CACNA1C: variants seen among roughly 807,000 people sequenced by gnomAD.
The protein encoded by CACNA1C is calcium voltage-gated channel subunit alpha1 C, also known as voltage-dependent L-type calcium channel subunit alpha-1C.
In CACNA1C, 30 loss-of-function variants were observed where a neutral mutation model predicts 229.0. The ratio of observed to expected loss-of-function variants is 0.13; its 90% CI spans 0.10 to 0.18. The LOEUF (loss-of-function observed/expected upper bound fraction) is 0.18, where lower values mean the gene tolerates loss of function less well. CACNA1C is among the 10% of genes least tolerant of loss of function. The pLI, the probability that CACNA1C is intolerant of heterozygous loss-of-function variation, is 1.00. For synonymous variants in CACNA1C, 1,114 were observed against 1,132.5 expected (o/e 0.98, Z 0.33); for missense variants, 1,658 against 2,845.0 (o/e 0.58, Z 9.49).
chr12:2,663,948 GC>G (rs543620869), intron 34 of CACNA1C, among the ~76,000 whole-genome samples: 1 of 151,786 alleles, frequency 6.6e-6, no homozygotes, highest in African/African-American at 2.4e-5. Context: ...CACCATGTTA[GC>G]CAGGATGGTC....
At chr12:2,559,175 A>G (rs1270267676) in intron 11 of CACNA1C, among the ~76,000 whole-genome samples, 1 of 152,244 alleles carries the variant, frequency 6.6e-6, no homozygotes. Context: ...TAACAGTTCC[A>G]AAGCCCCCAC....
chr12:2,271,277 A>G (rs1181515619), intron 3 of CACNA1C, among the ~76,000 whole-genome samples: 2 of 152,146 alleles, frequency 1.3e-5, no homozygotes, highest in Non-Finnish European at 2.9e-5. Flanking sequence ...AATGGAAAAC[A>G]TTTCTGTAGG....
intron 3 of CACNA1C, among the ~76,000 whole-genome samples, chr12:2,237,859 C>A (rs768048271): frequency 6.6e-6 from 1 of 152,166 alleles, no homozygotes; most frequent in East Asian, 1.9e-4. Flanking sequence ...ACAAATGTGC[C>A]GTCAGTCCAA....
At chr12:2,104,009 G>A (rs878879105) in intron 1 of CACNA1C, among the ~76,000 whole-genome samples, 2 of 152,154 alleles carry the variant, frequency 1.3e-5, no homozygotes, top group African/African-American at 2.4e-5. Context: ...GTCAGGTAGC[G>A]TGATGCCCCC....
Position 2,468,020 on chromosome 12 carries a change from G to A in CACNA1C, c.757+10314G>A, listed in dbSNP as rs370269385. Among the ~76,000 whole-genome samples the A allele has an allele frequency of 1.3e-3, 204 of 152,312 alleles. 7 individuals carry two copies. The South Asian group carries it at 0.041, about 31-fold the overall frequency. On this transcript the variant is annotated intron_variant, in intron 5 of 46. Transcript: ENST00000399655. ...TCTTGGAGAGGGACCCTGTGGGTTG[G>A]CAGGAGCCACCGCACCAGATAGGAA...
At position 2,678,636 on chromosome 12, in the gene CACNA1C, A is replaced by G. The variant is rs1024578656; in HGVS notation, c.5091+769A>G. On this transcript the variant is annotated intron_variant, in intron 41 of 46. Transcript: ENST00000399655. The surrounding 1 kb of genome is among the most constrained non-coding windows in gnomAD (Gnocchi z 4.1). ...CAGGCTGTGGAACACACAGGGGGCA[A>G]GCTGAGCCCATCCTGCCCCTGCTCC... is the stretch of plus-strand genomic sequence containing the variant. 2.6e-5 allele frequency among the ~76,000 whole-genome samples: 4 copies of G among 152,204 alleles called. No individual in the cohort carries two copies. Among genetic ancestry groups the G allele is most frequent in the African/African-American group, 9.6e-5 (4 of 41,466 alleles).
intron 9 of CACNA1C, among the ~76,000 whole-genome samples, chr12:2,527,538 T>C (rs897969285): frequency 6.6e-6 from 1 of 152,228 alleles, no homozygotes; most frequent in Non-Finnish European, 1.5e-5. Context: ...TCAGTTATTA[T>C]GTTAACAAAA....
chr12:2,059,958 A>G (rs1165772780), intron 1 of CACNA1C, among the ~76,000 whole-genome samples: 1 of 152,094 alleles, frequency 6.6e-6, no homozygotes, highest in Admixed American at 6.6e-5. Context: ...GCCTTAAAAT[A>G]ATTTCTGCGA....
intron 3 of CACNA1C, among the ~76,000 whole-genome samples, chr12:2,276,082 T>A (rs1001687930): frequency 2.0e-5 from 3 of 152,202 alleles, no homozygotes; most frequent in Non-Finnish European, 2.9e-5. Flanking sequence ...TTTAATGATT[T>A]TTTTTTCCTA....
intron 29 of CACNA1C, among the ~76,000 whole-genome samples, chr12:2,631,660 A>G (rs567984471): frequency 1.0e-3 from 156 of 152,182 alleles, no homozygotes; most frequent in Non-Finnish European, 1.9e-3. Flanking sequence ...AGGCTCCACT[A>G]TATTCAGAAA....
At chr12:2,322,075 A>G (rs1405357374) in intron 3 of CACNA1C, among the ~76,000 whole-genome samples, 1 of 152,194 alleles carries the variant, frequency 6.6e-6, no homozygotes, top group African/African-American at 2.4e-5. Context: ...ATTATTAAGA[A>G]ATCGATTTAA....
At chr12:2,398,381 G>A (rs961057777) in intron 3 of CACNA1C, among the ~76,000 whole-genome samples, 1 of 152,194 alleles carries the variant, frequency 6.6e-6, no homozygotes, top group Admixed American at 6.5e-5. Flanking sequence ...TTTTCACATT[G>A]AATAAGCTTT....
At chr12:2,151,273 T>A (rs2095235731) in intron 3 of CACNA1C, among the ~76,000 whole-genome samples, 4 of 151,930 alleles carry the variant, frequency 2.6e-5, no homozygotes, top group Non-Finnish European at 5.9e-5. Context: ...TTTTTTTTTT[T>A]ATTTTTTGCC....
At chr12:2,413,359 A>G (rs2098829686) in intron 3 of CACNA1C, among the ~76,000 whole-genome samples, 1 of 152,204 alleles carries the variant, frequency 6.6e-6, no homozygotes, top group Non-Finnish European at 1.5e-5. Context: ...AATGAAAGCA[A>G]TTTGATAAAG....
intron 3 of CACNA1C, among the ~76,000 whole-genome samples, chr12:2,257,492 A>G (rs151013914): frequency 6.6e-6 from 1 of 152,228 alleles, no homozygotes; most frequent in Non-Finnish European, 1.5e-5. Flanking sequence ...GATCCCCAGC[A>G]TGCACAGTTC....
intron 3 of CACNA1C, among the ~76,000 whole-genome samples, chr12:2,159,081 GA>G (rs1403583633): frequency 5.3e-5 from 8 of 152,176 alleles, no homozygotes; most frequent in Non-Finnish European, 1.2e-4. Flanking sequence ...AATACCAAAA[GA>G]AACAGCTAAG....
intron 3 of CACNA1C, among the ~76,000 whole-genome samples, chr12:2,317,490 G>A (rs1176363497): frequency 6.6e-6 from 1 of 152,156 alleles, no homozygotes; most frequent in Non-Finnish European, 1.5e-5. Flanking sequence ...TTCAGGGGCT[G>A]AAGGGAGTGG....
intron 1 of CACNA1C, among the ~76,000 whole-genome samples, chr12:2,112,728 C>A (rs193018687): frequency 6.6e-6 from 1 of 152,130 alleles, no homozygotes; most frequent in Non-Finnish European, 1.5e-5. Flanking sequence ...GGGGTGGTAG[C>A]TATGTGGCAT....
At chr12:2,357,473 C>A (rs143802622) in intron 3 of CACNA1C, among the ~76,000 whole-genome samples, 1 of 152,118 alleles carries the variant, frequency 6.6e-6, no homozygotes, top group Non-Finnish European at 1.5e-5. Context: ...CCCTAAGTGA[C>A]ATCCCTCTTG....
Sources: allele counts gnomAD v4.1 joint callset (sites outside exome capture counted in the v4.1 genomes callset), GRCh38; gene constraint gnomAD v4.1.1; non-coding constraint Gnocchi (gnomAD v3.1); transcripts MANE v1.5; gene names NCBI Gene and HGNC (gene_info 2026-07-23, HGNC 2026-07-21).